NCAM2: variants seen among roughly 807,000 people sequenced by gnomAD.
NCAM2 encodes the protein N-CAM-2.
In NCAM2, 30 loss-of-function variants were observed where a neutral mutation model predicts 98.1. The observed-to-expected ratio is 0.31, with a 90% CI of 0.23 to 0.41. The LOEUF (loss-of-function observed/expected upper bound fraction) is 0.41, where lower values mean the gene tolerates loss of function less well. Among genes scored for constraint, NCAM2 ranks in the 10% least tolerant of loss-of-function variants. The pLI is 1.00. For missense variants in NCAM2, 867 were observed against 1,005.8 expected (o/e 0.86, Z 1.87); for synonymous variants, 368 against 342.4 (o/e 1.07, Z -0.83).
At chr21:21,017,783 CAAA>C (rs900792303) in intron 1 of NCAM2, among the ~76,000 whole-genome samples, 1 of 151,596 alleles carries the variant, frequency 6.6e-6, no homozygotes, top group Non-Finnish European at 1.5e-5. Flanking sequence ...GCAAAATAGC[CAAA>C]TCTATAAAAT....
intron 1 of NCAM2, among the ~76,000 whole-genome samples, chr21:21,043,701 A>G (rs1417864182): frequency 6.6e-6 from 1 of 151,882 alleles, no homozygotes; most frequent in Non-Finnish European, 1.5e-5. Flanking sequence ...AAATACAAAA[A>G]AAAATTAGCT....
At chr21:21,294,380 A>G (rs2073401877) in intron 5 of NCAM2, among the ~76,000 whole-genome samples, 1 of 151,830 alleles carries the variant, frequency 6.6e-6, no homozygotes, top group South Asian at 2.1e-4. Flanking sequence ...AAATATAGGA[A>G]TATGTTTTTA....
At chr21:21,117,579 AC>A (rs1296518869) in intron 1 of NCAM2, among the ~76,000 whole-genome samples, 1 of 152,238 alleles carries the variant, frequency 6.6e-6, no homozygotes, top group Non-Finnish European at 1.5e-5. Context: ...AGTAGGAAAT[AC>A]TACAATTTGC....
chr21:21,279,983 A>G (rs2072870242), intron 1 of NCAM2, among the ~76,000 whole-genome samples: 2 of 152,180 alleles, frequency 1.3e-5, no homozygotes, highest in South Asian at 4.1e-4. Flanking sequence ...TTTATTTCAA[A>G]TTTCACAAAA....
chr21:21,244,537 A>T (rs940018894), intron 1 of NCAM2, among the ~76,000 whole-genome samples: 2 of 152,102 alleles, frequency 1.3e-5, no homozygotes, highest in Admixed American at 6.6e-5. Context: ...TTAAATGCCA[A>T]AATTATATAT....
At chr21:21,149,120 G>A (rs542685099) in intron 1 of NCAM2, among the ~76,000 whole-genome samples, 6 of 152,242 alleles carry the variant, frequency 3.9e-5, no homozygotes, top group Admixed American at 3.9e-4. Flanking sequence ...ATATCTGTAA[G>A]TTTGTATAAA....
chr21:21,443,340 G>C (rs781565829), intron 12 of NCAM2, among the ~76,000 whole-genome samples: 2 of 151,976 alleles, frequency 1.3e-5, no homozygotes, highest in Non-Finnish European at 2.9e-5. Flanking sequence ...CGAGTTGATG[G>C]GTGCAGCAAA....
Position 21,394,469 on chromosome 21 carries a change from C to CTTTTTTTTTTTTTTTTT in NCAM2, c.1196-15784_1196-15768dup, listed in dbSNP as rs532068473. ...GACCTTAGTTAATTTAAGGGGCCAG[C>CTTTTTTTTTTTTTTTTT]TTTTTTTTTTTTTTTTTTTTTTTTT... On this transcript the variant is annotated intron_variant, in intron 9 of 17. Transcript: ENST00000400546. Among the ~76,000 whole-genome samples, 43 of 57,664 alleles carry CTTTTTTTTTTTTTTTTT rather than the reference C, an allele frequency of 7.5e-4. 5 individuals carry two copies. The highest frequency in any genetic ancestry group is 8.6e-4 in the Non-Finnish European group (29 of 33,698). The allele number at this position is 57,664 out of a possible 152,430, so 37.8% of individuals were successfully genotyped here.
At chr21:21,283,666 A>G (rs573069585) in intron 2 of NCAM2, among the ~76,000 whole-genome samples, 1 of 152,056 alleles carries the variant, frequency 6.6e-6, no homozygotes, top group South Asian at 2.1e-4. Context: ...CAACTAGGGA[A>G]ATTAATTTCA....
intron 14 of NCAM2, among the ~76,000 whole-genome samples, chr21:21,474,066 T>C (rs929843629): frequency 6.6e-6 from 1 of 152,066 alleles, no homozygotes; most frequent in Non-Finnish European, 1.5e-5. Flanking sequence ...AACTAGATTA[T>C]CTTAAATTGT....
At chr21:21,438,454 G>A (rs1978720502) in intron 12 of NCAM2, among the ~76,000 whole-genome samples, 1 of 152,082 alleles carries the variant, frequency 6.6e-6, no homozygotes, top group East Asian at 1.9e-4. Flanking sequence ...TGAAGGTTTA[G>A]CTGAAGCCGT....
intron 15 of NCAM2, among the ~76,000 whole-genome samples, chr21:21,508,527 C>T (rs917650750): frequency 1.3e-5 from 2 of 151,736 alleles, no homozygotes; most frequent in African/African-American, 4.8e-5. Flanking sequence ...TCATTATCTT[C>T]CCCACAGGGA....
intron 5 of NCAM2, among the ~76,000 whole-genome samples, chr21:21,310,689 CAT>C (rs1477703936): frequency 1.3e-5 from 2 of 152,114 alleles, no homozygotes; most frequent in Non-Finnish European, 2.9e-5. Context: ...TTCAAGTTAA[CAT>C]ACAGTAAAAT....
intron 15 of NCAM2, among the ~76,000 whole-genome samples, chr21:21,483,850 G>T (rs577432932): frequency 6.6e-6 from 1 of 152,150 alleles, no homozygotes; most frequent in East Asian, 1.9e-4. Context: ...TTTGCTTATG[G>T]CCAATAGGTT....
intron 1 of NCAM2, among the ~76,000 whole-genome samples, chr21:21,242,813 T>C (rs1489647191): frequency 6.6e-6 from 1 of 152,196 alleles, no homozygotes; most frequent in Non-Finnish European, 1.5e-5. Flanking sequence ...TGGCATCATG[T>C]TATCCATTTC....
chr21:21,509,362 C>T (rs548609063), intron 16 of NCAM2, among the ~76,000 whole-genome samples: 1 of 152,136 alleles, frequency 6.6e-6, no homozygotes, highest in African/African-American at 2.4e-5. Context: ...CAAATGTATT[C>T]CATTTTGATT....
At chr21:21,499,614 G>A (rs1183290415) in intron 15 of NCAM2, among the ~76,000 whole-genome samples, 2 of 151,886 alleles carry the variant, frequency 1.3e-5, no homozygotes, top group African/African-American at 4.8e-5. Flanking sequence ...AAGTGGAGAA[G>A]TTCTAGTTTA....
At chr21:21,117,254 C>G (rs540473626) in intron 1 of NCAM2, among the ~76,000 whole-genome samples, 4 of 152,256 alleles carry the variant, frequency 2.6e-5, no homozygotes, top group African/African-American at 7.2e-5. Context: ...CTTTTCTACT[C>G]TCTGTTTCTA....
chr21:21,278,099 A>T (rs889489734), intron 1 of NCAM2, among the ~76,000 whole-genome samples: 1 of 152,166 alleles, frequency 6.6e-6, no homozygotes, highest in African/African-American at 2.4e-5. Flanking sequence ...AAATAAGATT[A>T]TATCTTAAAG....
Sources: gnomAD v4.1 joint callset for allele counts (sites outside exome capture counted in the v4.1 genomes callset) on GRCh38, gnomAD v4.1.1 for gene constraint, MANE v1.5 for transcripts, NCBI Gene and HGNC (gene_info 2026-07-23, HGNC 2026-07-21) for gene names.